Variants in WDFY2 observed in about 807,000 individuals in gnomAD.
WDFY2 encodes the protein WD repeat and FYVE domain containing 2.
WDFY2 carries 36 observed loss-of-function variants against 56.4 expected under a neutral mutation model. The observed-to-expected ratio is 0.64, with a 90% confidence interval of 0.49 to 0.84. The LOEUF (loss-of-function observed/expected upper bound fraction) is 0.84, where lower values mean the gene tolerates loss of function less well. Ranked by LOEUF, WDFY2 falls within the 40% of genes least tolerant of loss-of-function variation. WDFY2 has a pLI of 0.00. For synonymous variants in WDFY2, 176 were observed against 183.7 expected (o/e 0.96, Z 0.34); for missense variants, 444 against 512.2 (o/e 0.87, Z 1.29).
chr13:51,685,565 C>A (rs528265051), intron 3 of WDFY2, among the ~76,000 whole-genome samples: 7 of 152,178 alleles, frequency 4.6e-5, no homozygotes, highest in African/African-American at 1.7e-4. Context: ...CTAAGAAAAT[C>A]ATAAGGAAGG....
At chr13:51,667,295 T>C (rs1446586447) in intron 2 of WDFY2, among the ~76,000 whole-genome samples, 1 of 152,214 alleles carries the variant, frequency 6.6e-6, no homozygotes, top group Non-Finnish European at 1.5e-5. Flanking sequence ...AACAGACAAG[T>C]TAAAATTGGG....
chr13:51,630,981 T>C (rs1481882771), intron 1 of WDFY2, among the ~76,000 whole-genome samples: 2 of 151,494 alleles, frequency 1.3e-5, no homozygotes, highest in Non-Finnish European at 2.9e-5. Flanking sequence ...GGTTTCACCA[T>C]GTTGGCCAGG....
intron 3 of WDFY2, among the ~76,000 whole-genome samples, chr13:51,697,952 T>C (rs2138569656): frequency 6.6e-6 from 1 of 152,366 alleles, no homozygotes; most frequent in African/African-American, 2.4e-5. Context: ...TTTTTTTAAA[T>C]TAGCTCTCAT....
chr13:51,710,839 A>T (rs1052784433), intron 4 of WDFY2, among the ~76,000 whole-genome samples: 1 of 152,246 alleles, frequency 6.6e-6, no homozygotes, highest in Non-Finnish European at 1.5e-5. Flanking sequence ...GGAAGAATCA[A>T]TATCATGAAA....
At chr13:51,738,159 T>C (rs541231805) in intron 6 of WDFY2, among the ~76,000 whole-genome samples, 5 of 152,236 alleles carry the variant, frequency 3.3e-5, no homozygotes, top group Non-Finnish European at 5.9e-5. Flanking sequence ...TTTCAGAATA[T>C]AATATTTTTA....
chr13:51,652,320 G>A (rs369439641), intron 1 of WDFY2, among the ~76,000 whole-genome samples: 78 of 152,156 alleles, frequency 5.1e-4, no homozygotes, highest in African/African-American at 1.7e-3. Flanking sequence ...GATGGGTTTC[G>A]TGAATACAGC....
intron 6 of WDFY2, among the ~76,000 whole-genome samples, chr13:51,730,342 A>G (rs1039001145): frequency 3.9e-5 from 6 of 152,100 alleles, no homozygotes; most frequent in Admixed American, 2.0e-4. Context: ...AGCATTTTAC[A>G]TTGTGGCCAT....
At chr13:51,679,465 G>A (rs1001688704) in intron 3 of WDFY2, among the ~76,000 whole-genome samples, 3 of 152,138 alleles carry the variant, frequency 2.0e-5, no homozygotes, top group South Asian at 2.1e-4. Context: ...GATTAATCTC[G>A]TGTGTGTTAT....
intron 3 of WDFY2, among the ~76,000 whole-genome samples, chr13:51,678,996 A>G (rs1384613899): frequency 3.3e-5 from 5 of 152,128 alleles, no homozygotes; most frequent in African/African-American, 9.7e-5. Context: ...GGAGTGGGGG[A>G]AAAAAACCAC....
At chr13:51,714,258 T>C (rs888731782) in intron 4 of WDFY2, among the ~76,000 whole-genome samples, 2 of 152,032 alleles carry the variant, frequency 1.3e-5, no homozygotes, top group African/African-American at 4.8e-5. Flanking sequence ...GTGGAGAAAT[T>C]GGAACCCTCT....
chr13:51,709,813 A>C lies in WDFY2; in HGVS notation c.334+6163A>C, dbSNP rs187300394. Among the ~76,000 whole-genome samples the C allele has an allele frequency of 1.1e-4, 16 of 152,322 alleles. No homozygotes were observed. In the East Asian group the frequency reaches 2.3e-3, roughly 22 times the overall value. ...AATTAATAGGCTACCAACCAAAAAA[A>C]GTCCAGGACCAGACGGATTCACAGC... On this transcript the variant is annotated intron_variant, in intron 4 of 11. Coordinates refer to ENST00000298125, the MANE Select transcript of WDFY2 (RefSeq NM_052950.4).
intron 4 of WDFY2, among the ~76,000 whole-genome samples, chr13:51,708,795 A>G (rs745513491): frequency 6.6e-5 from 10 of 152,220 alleles, no homozygotes; most frequent in Admixed American, 1.3e-4. Flanking sequence ...AAAGACACCA[A>G]TAGCTTAAAA....
intron 1 of WDFY2, among the ~76,000 whole-genome samples, chr13:51,647,956 G>A (rs1175400956): frequency 1.3e-5 from 2 of 152,126 alleles, no homozygotes; most frequent in African/African-American, 4.8e-5. Flanking sequence ...TTTAAAACAA[G>A]AAAGTCAAAT....
At chr13:51,671,776 C>CTTTTTTTTT (rs564584742) in intron 2 of WDFY2, among the ~76,000 whole-genome samples, 6 of 62,002 alleles carry the variant, frequency 9.7e-5, no homozygotes, top group African/African-American at 2.2e-4. Flanking sequence ...GTTGCATTTG[C>CTTTTTTTTT]TTTTTTTTTT....
intron 5 of WDFY2, 121 bp from the exon 6 acceptor site, chr13:51,727,557 A>G (rs1384295559): frequency 1.7e-5 from 14 of 844,918 alleles, no homozygotes; most frequent in Non-Finnish European, 2.2e-5. Flanking sequence ...GTCTTTCAGC[A>G]CTGTCTTCAC....
chr13:51,708,496 T>TA, intron 4 of WDFY2, among the ~76,000 whole-genome samples: 1 of 144,166 alleles, frequency 6.9e-6, no homozygotes, highest in Non-Finnish European at 1.5e-5. Context: ...TAGAATAAAA[T>TA]AAAAATAAAC....
chr13:51,590,713 A>T (rs1954026146), intron 1 of WDFY2: 3 of 152,224 alleles, frequency 2.0e-5, no homozygotes, highest in Middle Eastern at 3.4e-3. Context: ...TTATATGAGT[A>T]GGTCTCCCAA....
In WDFY2 at chr13:51,720,786, A is replaced by T. The variant is rs138573786; in HGVS notation, c.485+1438A>T. Among the ~76,000 whole-genome samples, 117 of 152,074 alleles carry T rather than the reference A, an allele frequency of 7.7e-4. 1 individual carries two copies. In the East Asian group the frequency reaches 0.021, roughly 27 times the overall value. ...CTTCCTGCTTCGTAGACAACATCTC[A>T]CTGTGTCCTCACATGGTGAAAGGGC... On this transcript the variant is annotated intron_variant, in intron 5 of 11. Transcript: ENST00000298125.
chr13:51,695,712 A>G (rs374779921), intron 3 of WDFY2, among the ~76,000 whole-genome samples: 75 of 152,352 alleles, frequency 4.9e-4, no homozygotes, highest in Middle Eastern at 3.4e-3. Context: ...GCTCTCTTCA[A>G]AGCTGTCAGA....
Sources: gnomAD v4.1 joint callset for allele counts (sites outside exome capture counted in the v4.1 genomes callset) on GRCh38, gnomAD v4.1.1 for gene constraint, MANE v1.5 for transcripts, NCBI Gene and HGNC (gene_info 2026-07-23, HGNC 2026-07-21) for gene names.